ADAMTS12: variants seen among roughly 807,000 people sequenced by gnomAD.
ADAMTS12 encodes the protein A disintegrin and metalloproteinase with thrombospondin motifs 12.
ADAMTS12 carries 118 observed loss-of-function variants against 167.8 expected under a neutral mutation model. The observed-to-expected ratio is 0.70, with a 90% CI of 0.61 to 0.82. ADAMTS12 has a LOEUF of 0.82. Ranked by LOEUF, ADAMTS12 falls within the 40% of genes least tolerant of loss-of-function variation. ADAMTS12 has a pLI of 0.00. For missense variants in ADAMTS12, 1,916 were observed against 1,998.8 expected, an observed-to-expected ratio of 0.96 and a Z score of 0.79; for synonymous variants, 704 against 716.9, an observed-to-expected ratio of 0.98 and a Z score of 0.29.
chr5:33,864,516 G>C (rs1196024345), intron 2 of ADAMTS12, among the ~76,000 whole-genome samples: 1 of 152,030 alleles, frequency 6.6e-6, no homozygotes, highest in Non-Finnish European at 1.5e-5. Context: ...ATAAATCATT[G>C]TACTATAAAG....
chr5:33,631,169 A>G (rs1174186722), intron 12 of ADAMTS12, among the ~76,000 whole-genome samples: 1 of 152,232 alleles, frequency 6.6e-6, no homozygotes, highest in African/African-American at 2.4e-5. Flanking sequence ...AAAATACTCT[A>G]TGCTTTGCTG....
At chr5:33,572,180 C>T (rs900303720) in intron 19 of ADAMTS12, among the ~76,000 whole-genome samples, 1 of 152,134 alleles carries the variant, frequency 6.6e-6, no homozygotes, top group African/African-American at 2.4e-5. Context: ...CAAGGAGGAA[C>T]TGGTACCATT....
At chr5:33,874,413 C>T (rs929235096) in intron 2 of ADAMTS12, among the ~76,000 whole-genome samples, 1 of 152,014 alleles carries the variant, frequency 6.6e-6, no homozygotes, top group African/African-American at 2.4e-5. Flanking sequence ...GGTCAAAATC[C>T]AGAACACTGA....
chr5:33,555,391 T>C (rs1044581645), intron 20 of ADAMTS12, among the ~76,000 whole-genome samples: 7 of 152,082 alleles, frequency 4.6e-5, no homozygotes, highest in Admixed American at 3.9e-4. Flanking sequence ...ACTACAGGCA[T>C]GTGCTGTACC....
chr5:33,858,716 G>A (rs1315131981), intron 2 of ADAMTS12, among the ~76,000 whole-genome samples: 1 of 151,862 alleles, frequency 6.6e-6, no homozygotes, highest in Non-Finnish European at 1.5e-5. Flanking sequence ...CTTGAGACCT[G>A]GTTAAGATGG....
At chr5:33,677,276 A>C (rs1741946884) in intron 5 of ADAMTS12, among the ~76,000 whole-genome samples, 1 of 152,230 alleles carries the variant, frequency 6.6e-6, no homozygotes, top group African/African-American at 2.4e-5. Flanking sequence ...TTTATTGAGC[A>C]GTTTCTACAA....
At chr5:33,527,822 C>A (rs1743896510) in intron 23 of ADAMTS12, among the ~76,000 whole-genome samples, 2 of 152,204 alleles carry the variant, frequency 1.3e-5, no homozygotes, top group African/African-American at 4.8e-5. Context: ...ATAAGAGACA[C>A]ATGGGGCAGA....
At chr5:33,672,916 T>C (rs192659585) in intron 5 of ADAMTS12, among the ~76,000 whole-genome samples, 147 of 152,332 alleles carry the variant, frequency 9.6e-4, no homozygotes, top group Middle Eastern at 3.4e-3. Flanking sequence ...AAGCAGGCAT[T>C]GGCAGAGCAG....
intron 2 of ADAMTS12, among the ~76,000 whole-genome samples, chr5:33,753,029 A>T (rs1352547722): frequency 6.6e-6 from 1 of 152,250 alleles, no homozygotes; most frequent in Admixed American, 6.5e-5. Context: ...AAAATAGAGC[A>T]CTTTACTGGG....
At chr5:33,605,738 TTAAA>T (rs1438726681) in intron 16 of ADAMTS12, among the ~76,000 whole-genome samples, 1 of 152,180 alleles carries the variant, frequency 6.6e-6, no homozygotes, top group Non-Finnish European at 1.5e-5. Flanking sequence ...TGAGTAGTAT[TTAAA>T]TAGATAATTA....
intron 2 of ADAMTS12, among the ~76,000 whole-genome samples, chr5:33,809,547 T>C (rs1313975572): frequency 6.6e-6 from 1 of 152,196 alleles, no homozygotes; most frequent in East Asian, 1.9e-4. Context: ...TTTATTCGAC[T>C]TGGGATGACT....
intron 2 of ADAMTS12, chr5:33,840,451 A>G (rs1448737319): frequency 6.6e-6 from 1 of 152,206 alleles, no homozygotes; most frequent in Non-Finnish European, 1.5e-5. Flanking sequence ...GGGTTAACTC[A>G]CAGCTTGGCC....
chr5:33,587,691 A>T (rs1325914815), intron 18 of ADAMTS12, among the ~76,000 whole-genome samples: 1 of 152,102 alleles, frequency 6.6e-6, no homozygotes, highest in Admixed American at 6.5e-5. Context: ...AGCTCAAGTG[A>T]TCCTCCTTCC....
chr5:33,615,707 C>T, intron 15 of ADAMTS12, 121 bp downstream of exon 15: 1 of 1,339,638 alleles, frequency 7.5e-7, no homozygotes, highest in Non-Finnish European at 1.0e-6. Flanking sequence ...CCCCTCCCTG[C>T]TCCTTGCTAA....
intron 19 of ADAMTS12, among the ~76,000 whole-genome samples, chr5:33,565,125 G>A (rs1399260271): frequency 6.6e-6 from 1 of 151,888 alleles, no homozygotes; most frequent in East Asian, 1.9e-4. Context: ...TTTTCATTCT[G>A]AACCCTGACC....
intron 3 of ADAMTS12, among the ~76,000 whole-genome samples, chr5:33,701,257 GAGCACCCTT>G (rs1185534144): frequency 6.6e-6 from 1 of 152,178 alleles, no homozygotes; most frequent in Non-Finnish European, 1.5e-5. Flanking sequence ...CCCAACATCT[GAGCACCCTT>G]AGAACTTTAC....
In ADAMTS12 at chr5:33,766,749, T is replaced by C. The variant is rs1745549147; in HGVS notation, c.490-15201A>G. Among the ~76,000 whole-genome samples, 4 of 152,090 alleles carry C rather than the reference T, an allele frequency of 2.6e-5. No individual in the cohort carries two copies. The South Asian group carries it at 8.3e-4, about 31-fold the overall frequency. ...AAAATTTACAGAAAGTTGATCCCAATCAAAGTTGGAAATGGAAATTTAAAA... is the reference window on the plus strand; with the variant it reads ...AAAATTTACAGAAAGTTGATCCCAACCAAAGTTGGAAATGGAAATTTAAAA... On this transcript the variant is annotated intron_variant, in intron 2 of 23. Coordinates refer to ENST00000504830, the MANE Select transcript of ADAMTS12 (RefSeq NM_030955.4).
At chr5:33,846,342 T>A (rs1411275370) in intron 2 of ADAMTS12, among the ~76,000 whole-genome samples, 1 of 152,228 alleles carries the variant, frequency 6.6e-6, no homozygotes. Context: ...AACAGCCACC[T>A]AAACATCAGG....
chr5:33,798,430 G>C (rs1289508382), intron 2 of ADAMTS12, among the ~76,000 whole-genome samples: 3 of 115,320 alleles, frequency 2.6e-5, no homozygotes, highest in African/African-American at 9.8e-5. Context: ...TCTCTTCTTT[G>C]TATCTTTTTT....
Sources: gnomAD v4.1 joint callset for allele counts (sites outside exome capture counted in the v4.1 genomes callset) on GRCh38, gnomAD v4.1.1 for gene constraint, MANE v1.5 for transcripts, NCBI Gene and HGNC (gene_info 2026-07-23, HGNC 2026-07-21) for gene names.